PTK2: variants seen among roughly 807,000 people sequenced by gnomAD.
PTK2 encodes focal adhesion kinase 1.
A neutral mutation model predicts 150.1 loss-of-function variants in PTK2; 45 were observed. The observed-to-expected ratio is 0.30, with a 90% CI of 0.24 to 0.38. The LOEUF is 0.38. Ranked by LOEUF, PTK2 falls within the 10% of genes least tolerant of loss-of-function variation. PTK2 has a pLI of 1.00. For missense variants in PTK2, 919 were observed against 1,307.3 expected, an observed-to-expected ratio of 0.70 and a Z score of 4.58; for synonymous variants, 432 against 449.2, an observed-to-expected ratio of 0.96 and a Z score of 0.48.
At chr8:140,961,044 A>G (rs2100183005) in intron 1 of PTK2, among the ~76,000 whole-genome samples, 1 of 152,254 alleles carries the variant, frequency 6.6e-6, no homozygotes. Context: ...TTAAAGTCAG[A>G]AAAGCAGCAG....
chr8:140,946,301 C>T (rs2100177661), intron 1 of PTK2, among the ~76,000 whole-genome samples: 1 of 152,104 alleles, frequency 6.6e-6, no homozygotes, highest in South Asian at 2.1e-4. Context: ...CTTCAATTGG[C>T]TCAATACTGA....
intron 2 of PTK2, among the ~76,000 whole-genome samples, chr8:140,902,712 G>A (rs2100159002): frequency 6.6e-6 from 1 of 152,186 alleles, no homozygotes; most frequent in African/African-American, 2.4e-5. Flanking sequence ...AATGACCAGT[G>A]ATGATGAGCT....
chr8:140,978,845 A>G (rs62521953), intron 1 of PTK2, among the ~76,000 whole-genome samples: 63,776 of 151,566 alleles, frequency 0.42, 14,135 homozygotes, highest in South Asian at 0.55. Context: ...AACAGCAGAG[A>G]CTTGGAACCA....
chr8:140,682,697 G>T (rs2100017747), intron 27 of PTK2, among the ~76,000 whole-genome samples: 1 of 147,168 alleles, frequency 6.8e-6, no homozygotes, highest in African/African-American at 2.5e-5. Context: ...AATAAAAACA[G>T]AATCAGTACT....
exon 26 of PTK2, chr8:140,700,956 G>C (rs762989428): frequency 7.4e-6 from 12 of 1,613,970 alleles, no homozygotes; most frequent in Non-Finnish European, 9.3e-6. Flanking sequence ...TGTCGGATTA[G>C]ACGCTCTTCC....
intron 26 of PTK2, 22 bp from the exon 30 acceptor site, chr8:140,686,716 C>A (rs1199374685): frequency 1.3e-6 from 2 of 1,599,192 alleles, no homozygotes; most frequent in East Asian, 4.5e-5. Flanking sequence ...AAAACAAAAT[C>A]AAAACAATTT....
chr8:140,966,436 T>G (rs1453414682), intron 1 of PTK2, among the ~76,000 whole-genome samples: 1 of 152,218 alleles, frequency 6.6e-6, no homozygotes, highest in Non-Finnish European at 1.5e-5. Flanking sequence ...CTTACTGTTT[T>G]AGCAACAGGC....
At chr8:140,963,487 C>G (rs1043277275) in intron 1 of PTK2, among the ~76,000 whole-genome samples, 1 of 152,202 alleles carries the variant, frequency 6.6e-6, no homozygotes, top group Non-Finnish European at 1.5e-5. Flanking sequence ...CTCTCCAATT[C>G]TATGGCCATC....
rs141797549 is a variant in PTK2 at position 140,902,196 on chromosome 8, G to A, written c.-32-11427C>T. Among the ~76,000 whole-genome samples the A allele has an allele frequency of 1.4e-4, 21 of 152,250 alleles. No individual in the cohort carries two copies. The East Asian group carries it at 4.1e-3, about 29-fold the overall frequency. On this transcript the variant is annotated intron_variant, in intron 2 of 31. Coordinates refer to ENST00000522684, the Ensembl canonical transcript of PTK2. ...TTACAGGCGCACGCCACCACGCCCA[G>A]CTAATTTTTGTATTTTTAGTAAAGA... is the stretch of plus-strand genomic sequence containing the variant.
At chr8:140,957,479 TGAA>T (rs1384580616) in intron 1 of PTK2, among the ~76,000 whole-genome samples, 2 of 152,234 alleles carry the variant, frequency 1.3e-5, no homozygotes, top group East Asian at 1.9e-4. Context: ...CGGTTATTAC[TGAA>T]GAAAAATATT....
intron 1 of PTK2, among the ~76,000 whole-genome samples, chr8:140,980,335 C>T (rs936881956): frequency 6.6e-5 from 10 of 152,106 alleles, no homozygotes; most frequent in Admixed American, 1.3e-4. Context: ...GTATAAAGTT[C>T]GGCCGGGCAC....
intron 1 of PTK2, among the ~76,000 whole-genome samples, chr8:140,980,992 C>A (rs1180170835): frequency 6.7e-6 from 1 of 148,884 alleles, no homozygotes; most frequent in African/African-American, 2.5e-5. Flanking sequence ...GAACTCTTCA[C>A]CTCGTGATCC....
chr8:140,746,229 A>G (rs12234950), intron 18 of PTK2, among the ~76,000 whole-genome samples: 92,561 of 151,820 alleles, frequency 0.61, 29,693 homozygotes, highest in African/African-American at 0.81. Context: ...CAACTCGGGA[A>G]GTTGAGGTGG....
chr8:140,938,779 A>AC (rs762862054), intron 1 of PTK2, among the ~76,000 whole-genome samples: 7 of 152,224 alleles, frequency 4.6e-5, no homozygotes, highest in African/African-American at 7.2e-5. Context: ...TGCCATGCAA[A>AC]CATTTGACCA....
intron 5 of PTK2, among the ~76,000 whole-genome samples, chr8:140,849,851 G>A (rs935550342): frequency 2.0e-5 from 3 of 152,214 alleles, no homozygotes; most frequent in Non-Finnish European, 4.4e-5. Flanking sequence ...AAATCCAGAT[G>A]TATCAACCCC....
chr8:140,751,676 A>G (rs980841703), intron 17 of PTK2, among the ~76,000 whole-genome samples: 8 of 151,908 alleles, frequency 5.3e-5, no homozygotes, highest in African/African-American at 1.9e-4. Context: ...TATTTTTAGT[A>G]GAAGACTGTT....
chr8:140,833,766 G>C (rs1306695693), intron 7 of PTK2, among the ~76,000 whole-genome samples: 2 of 152,038 alleles, frequency 1.3e-5, no homozygotes, highest in African/African-American at 2.4e-5. Flanking sequence ...ACTGTCAAAG[G>C]ATATGTCCTA....
chr8:140,836,077 G>GTT (rs60335293), intron 7 of PTK2, among the ~76,000 whole-genome samples: 1 of 148,944 alleles, frequency 6.7e-6, no homozygotes, highest in Non-Finnish European at 1.5e-5. Flanking sequence ...TAATTATCTG[G>GTT]TTTTTTTTTT....
At chr8:140,708,138 C>A (rs996575390) in intron 23 of PTK2, among the ~76,000 whole-genome samples, 2 of 152,118 alleles carry the variant, frequency 1.3e-5, no homozygotes, top group Non-Finnish European at 2.9e-5. Flanking sequence ...ACTGTCTAGC[C>A]AAATTAAGTA....
Sources: allele counts gnomAD v4.1 joint callset (sites outside exome capture counted in the v4.1 genomes callset), GRCh38; gene constraint gnomAD v4.1.1; transcripts MANE v1.5; gene names NCBI Gene and HGNC (gene_info 2026-07-23, HGNC 2026-07-21).